Variants in SERINC5 observed in about 807,000 individuals in gnomAD.
SERINC5 encodes chromosome 5 open reading frame 12.
SERINC5 carries 41 observed loss-of-function variants against 63.1 expected under a neutral mutation model. The observed-to-expected ratio is 0.65, with a 90% CI of 0.51 to 0.84. The LOEUF is 0.84. Ranked by LOEUF, SERINC5 falls within the 40% of genes least tolerant of loss-of-function variation. SERINC5 has a pLI of 0.00. For synonymous variants in SERINC5, 222 were observed against 215.2 expected (o/e 1.03, Z -0.28); for missense variants, 523 against 573.0 (o/e 0.91, Z 0.89).
At chr5:80,250,333 G>A (rs762932422) in intron 1 of SERINC5, among the ~76,000 whole-genome samples, 2 of 152,028 alleles carry the variant, frequency 1.3e-5, no homozygotes, top group African/African-American at 2.4e-5. Context: ...CATTTTGGGG[G>A]AAACATCATC....
At position 80,175,041 on chromosome 5, in the gene SERINC5, C is replaced by A; in HGVS notation, c.464G>T (p.Arg155Leu). The A allele has an allele frequency of 6.3e-7, 1 of 1,587,986 alleles. No homozygotes were observed. Residue 155 changes from arginine to leucine, a missense_variant, in exon 5 of 12, where the codon CGC (arginine) becomes CTC (leucine). Physicochemically the swap from Arg to Leu is moderately radical, Grantham distance 102. Transcript: ENST00000507668. ...PDQDTFLNAW[R>L]YVGAVGGFLF... is the part of the protein sequence containing the mutation. The stretch of plus-strand genomic sequence containing the variant: ...GAAGCCTCCGACGGCTCCCACATAG[C>A]GCCAGGCTGCAAAAGACCATGAAGA...
chr5:80,118,106 G>C (rs1287498443), intron 11 of SERINC5, among the ~76,000 whole-genome samples: 1 of 152,040 alleles, frequency 6.6e-6, no homozygotes, highest in Non-Finnish European at 1.5e-5. Flanking sequence ...AGGAGGTGGA[G>C]GCAAGAGAAT....
intron 1 of SERINC5, among the ~76,000 whole-genome samples, chr5:80,233,520 G>T (rs1447419870): frequency 6.6e-6 from 1 of 152,048 alleles, no homozygotes; most frequent in Non-Finnish European, 1.5e-5. Context: ...AAATCACTTG[G>T]TTGGACATCT....
intron 1 of SERINC5, among the ~76,000 whole-genome samples, chr5:80,222,594 C>T (rs966296881): frequency 3.0e-4 from 26 of 85,848 alleles, no homozygotes; most frequent in Middle Eastern, 5.9e-3. Context: ...GTGTTTGAGA[C>T]GGAGTTTCGC....
chr5:80,255,650 G>A (rs906239739), intron 1 of SERINC5, among the ~76,000 whole-genome samples: 1 of 152,170 alleles, frequency 6.6e-6, no homozygotes, highest in African/African-American at 2.4e-5. Context: ...CGCTCCACGC[G>A]GAGTCCCGGA....
At chr5:80,116,277 A>C (rs1744319178) in intron 11 of SERINC5, 1 of 455,710 alleles carries the variant, frequency 2.2e-6, no homozygotes, top group Non-Finnish European at 4.4e-6. Context: ...CCCCTCTTGC[A>C]AAAAGGGTAT....
intron 8 of SERINC5, 124 bp downstream of exon 8, chr5:80,158,711 TA>T: frequency 1.1e-6 from 1 of 886,814 alleles, no homozygotes; most frequent in African/African-American, 1.7e-5. Context: ...TTCGCCTTTT[TA>T]CTTGTGGTTA....
intron 1 of SERINC5, among the ~76,000 whole-genome samples, chr5:80,239,983 C>T (rs2112587626): frequency 6.6e-6 from 1 of 152,294 alleles, no homozygotes; most frequent in South Asian, 2.1e-4. Flanking sequence ...AGGAGCAAGG[C>T]TTGGTCAGCC....
chr5:80,137,699 T>C (rs533268881), downstream of SERINC5, among the ~76,000 whole-genome samples: 94 of 140,240 alleles, frequency 6.7e-4, no homozygotes, highest in Admixed American at 1.3e-3. Context: ...CCCAGCACTT[T>C]GGGAGGCTGA....
chr5:80,246,591 T>C (rs770772811), intron 1 of SERINC5, among the ~76,000 whole-genome samples: 7 of 152,168 alleles, frequency 4.6e-5, no homozygotes, highest in South Asian at 4.1e-4. Flanking sequence ...ACCCACTAAG[T>C]CTTTCCACAA....
chr5:80,217,127 T>C (rs1750702521), intron 1 of SERINC5, among the ~76,000 whole-genome samples: 1 of 151,940 alleles, frequency 6.6e-6, no homozygotes, highest in Non-Finnish European at 1.5e-5. Flanking sequence ...GATATTTTTA[T>C]TTTACAAATT....
chr5:80,179,454 G>T (rs1338421938), intron 2 of SERINC5, among the ~76,000 whole-genome samples: 1 of 152,124 alleles, frequency 6.6e-6, no homozygotes, highest in East Asian at 1.9e-4. Context: ...TTTTTTGTTG[G>T]GGAGGGTTTT....
chr5:80,146,354 T>TAC, intron 10 of SERINC5, 120 bp from the exon 11 acceptor site: 3 of 1,192,064 alleles, frequency 2.5e-6, no homozygotes, highest in Non-Finnish European at 3.6e-6. Flanking sequence ...AAGCCATCTG[T>TAC]ACCCTCTGGC....
At chr5:80,227,040 T>C (rs4704647) in intron 1 of SERINC5, among the ~76,000 whole-genome samples, 90,909 of 151,586 alleles carry the variant, frequency 0.6, 27,531 homozygotes, top group African/African-American at 0.67. Context: ...GGATTATAGG[T>C]GCCCCCCACC....
rs758367584 is a variant in SERINC5 at position 80,202,915 on chromosome 5, T to C, written c.166A>G (p.Thr56Ala). ...TCTTTCATCTTGTGAGCCACGGTTG[T>C]TGACATCATGATGCAGCAGAGGACG... ...VVVLCCIMMSTTVAHKMKEHI... is the reference protein window; with the variant it reads ...VVVLCCIMMSATVAHKMKEHI... The change falls in exon 2 of 12, where the codon ACA (threonine) becomes GCA (alanine). Residue 56 changes from threonine to alanine, a missense_variant. Physicochemically the swap from Thr to Ala is moderately conservative, Grantham distance 58 (BLOSUM62 0). Coordinates refer to ENST00000507668, the MANE Select transcript of SERINC5 (RefSeq NM_001174072.3). The C allele has an allele frequency of 7.4e-6, 12 of 1,612,310 alleles. No individual in the cohort carries two copies. The highest frequency in any genetic ancestry group is 2.2e-5 in the East Asian group (1 of 44,860).
intron 11 of SERINC5, among the ~76,000 whole-genome samples, chr5:80,117,000 TTG>T (rs1205526633): frequency 3.3e-5 from 5 of 151,950 alleles, no homozygotes; most frequent in African/African-American, 9.7e-5. Context: ...ATCTAATTTT[TTG>T]TGTTTTTTAG....
chr5:80,233,805 CTTTTTTTTTT>C lies in SERINC5; in HGVS notation c.27+22081_27+22090del, dbSNP rs373920343. On this transcript the variant is annotated intron_variant, in intron 1 of 11. Transcript: ENST00000507668. ...TATTTTATAGATCTTTCAACTTTTACTTTTTTTTTTTTTTTTTTTTTTTTGAGACAGAGTC... is the reference window on the plus strand; with the variant it reads ...TATTTTATAGATCTTTCAACTTTTACTTTTTTTTTTTTTTGAGACAGAGTC... Among the ~76,000 whole-genome samples, 3 of 69,936 alleles carry C rather than the reference CTTTTTTTTTT, an allele frequency of 4.3e-5. No homozygotes were observed. In the East Asian group the frequency reaches 1.4e-3, roughly 32 times the overall value. The allele number at this position is 69,936 out of a possible 152,430, so 45.9% of individuals were successfully genotyped here.
intron 1 of SERINC5, among the ~76,000 whole-genome samples, chr5:80,240,597 G>A (rs1751901844): frequency 6.6e-6 from 1 of 152,140 alleles, no homozygotes; most frequent in Non-Finnish European, 1.5e-5. Context: ...GGGCTCTAGT[G>A]TAGAGTATTT....
intron 9 of SERINC5, among the ~76,000 whole-genome samples, chr5:80,148,061 A>C (rs912063304): frequency 6.6e-6 from 1 of 152,116 alleles, no homozygotes; most frequent in Non-Finnish European, 1.5e-5. Flanking sequence ...TGAAATAGTA[A>C]AGTGAAGGAA....
Sources: allele counts gnomAD v4.1 joint callset (sites outside exome capture counted in the v4.1 genomes callset), GRCh38; gene constraint gnomAD v4.1.1; transcripts MANE v1.5; gene names NCBI Gene and HGNC (gene_info 2026-07-23, HGNC 2026-07-21).